CHN1: variants seen among roughly 807,000 people sequenced by gnomAD.
The protein encoded by CHN1 is chimerin 1, also known as N-chimaerin.
A neutral mutation model predicts 59.5 loss-of-function variants in CHN1; 37 were observed. The observed-to-expected ratio is 0.62, with a 90% confidence interval of 0.48 to 0.82. The LOEUF is 0.82. Ranked by LOEUF, CHN1 falls within the 40% of genes least tolerant of loss-of-function variation. The probability of loss-of-function intolerance (pLI) is 0.00; values close to 1 mark genes in which losing one functional copy is unlikely to be tolerated. For missense variants in CHN1, 469 were observed against 571.0 expected, an observed-to-expected ratio of 0.82 and a Z score of 1.82; for synonymous variants, 206 against 200.4, an observed-to-expected ratio of 1.03 and a Z score of -0.24.
intron 8 of CHN1, 22 bp downstream of exon 8, chr2:174,824,412 G>C: frequency 3.2e-6 from 5 of 1,566,672 alleles, no homozygotes; most frequent in Non-Finnish European, 4.3e-6. Context: ...ACTCAATCCA[G>C]AGACAAGACA....
At chr2:174,801,014 G>A (rs548735058) in intron 12 of CHN1, among the ~76,000 whole-genome samples, 4 of 152,246 alleles carry the variant, frequency 2.6e-5, no homozygotes, top group African/African-American at 4.8e-5. Flanking sequence ...GGCCACATAC[G>A]TATTTTTGTT....
intron 8 of CHN1, among the ~76,000 whole-genome samples, chr2:174,817,643 T>C (rs976337082): frequency 1.3e-4 from 19 of 148,852 alleles, no homozygotes; most frequent in Non-Finnish European, 1.2e-4. Flanking sequence ...TTTTTCTTTT[T>C]TTTTTTTTTT....
intron 3 of CHN1, among the ~76,000 whole-genome samples, chr2:174,930,194 A>G (rs960924301): frequency 4.6e-5 from 7 of 152,184 alleles, no homozygotes; most frequent in African/African-American, 1.4e-4. Flanking sequence ...GCCACTTTCT[A>G]GGAGAGCCCT....
intron 7 of CHN1, among the ~76,000 whole-genome samples, chr2:174,838,086 AC>A (rs1374239681): frequency 6.6e-6 from 1 of 151,824 alleles, no homozygotes; most frequent in Non-Finnish European, 1.5e-5. Flanking sequence ...GTCATGGTAA[AC>A]CTCACTCTTT....
intron 1 of CHN1, among the ~76,000 whole-genome samples, chr2:174,988,224 G>C (rs1691415906): frequency 6.6e-6 from 1 of 151,734 alleles, no homozygotes; most frequent in Admixed American, 6.6e-5. Context: ...GGGCATGGTG[G>C]TGCGCGCCTG....
chr2:174,882,911 G>A (rs1687778645), intron 5 of CHN1, among the ~76,000 whole-genome samples: 1 of 152,190 alleles, frequency 6.6e-6, no homozygotes, highest in Non-Finnish European at 1.5e-5. Flanking sequence ...ATGGAAGAGA[G>A]AGCATAGTTA....
At chr2:174,900,698 G>A (rs367958141) in intron 5 of CHN1, among the ~76,000 whole-genome samples, 12 of 152,082 alleles carry the variant, frequency 7.9e-5, no homozygotes, top group African/African-American at 1.9e-4. Context: ...CCAGCTACAC[G>A]GGAGGGTGAG....
chr2:174,916,789 A>G (rs766261621), intron 4 of CHN1, among the ~76,000 whole-genome samples: 28 of 152,258 alleles, frequency 1.8e-4, no homozygotes, highest in Non-Finnish European at 3.1e-4. Flanking sequence ...TGCTGCAGGC[A>G]AGGAGATGGT....
At chr2:174,948,281 A>G (rs966694637) in intron 2 of CHN1, among the ~76,000 whole-genome samples, 6 of 152,172 alleles carry the variant, frequency 3.9e-5, no homozygotes, top group Non-Finnish European at 5.9e-5. Context: ...GCAATAATGA[A>G]CCCAGAGTCT....
At chr2:174,900,078 T>G (rs1688341212) in intron 5 of CHN1, among the ~76,000 whole-genome samples, 1 of 152,226 alleles carries the variant, frequency 6.6e-6, no homozygotes, top group Admixed American at 6.5e-5. Context: ...CCTATTAATA[T>G]TTTGAAGAAA....
intron 3 of CHN1, among the ~76,000 whole-genome samples, chr2:174,928,921 G>C (rs1349905477): frequency 2.6e-5 from 4 of 152,112 alleles, no homozygotes; most frequent in Non-Finnish European, 5.9e-5. Flanking sequence ...AAAAAACTGA[G>C]TACCAGCAAA....
chr2:174,853,900 A>G (rs983523125), intron 6 of CHN1, among the ~76,000 whole-genome samples: 1 of 152,176 alleles, frequency 6.6e-6, no homozygotes, highest in African/African-American at 2.4e-5. Flanking sequence ...CTGAGCATGC[A>G]CGAACATAAA....
At chr2:175,004,387 T>C (rs865802720) in intron 1 of CHN1, among the ~76,000 whole-genome samples, 2 of 152,286 alleles carry the variant, frequency 1.3e-5, no homozygotes, top group East Asian at 1.9e-4. Context: ...TTTTAACCCA[T>C]ATTCAGTTCA....
intron 1 of CHN1, among the ~76,000 whole-genome samples, chr2:174,998,610 CTA>C (rs1691788629): frequency 6.6e-6 from 1 of 152,206 alleles, no homozygotes; most frequent in South Asian, 2.1e-4. Flanking sequence ...TGAGGTGGCT[CTA>C]TGCCAGGCCA....
rs75833151 is a variant in CHN1 at position 174,935,028 on chromosome 2, C to T, written c.114+9860G>A. 6.7e-3 allele frequency among the ~76,000 whole-genome samples: 1,018 copies of T among 152,286 alleles called. 3 individuals are homozygous for T. The highest frequency in any genetic ancestry group is 0.011 in the Non-Finnish European group (743 of 68,026). On this transcript the variant is annotated intron_variant, in intron 3 of 12. Coordinates refer to ENST00000409900, the MANE Select transcript of CHN1 (RefSeq NM_001822.7). ...TAAGCCTAATCAATCACGTTTTTCT[C>T]CTGCTTAAAATACTTTCACTTCTAT...
intron 1 of CHN1, among the ~76,000 whole-genome samples, chr2:175,000,052 C>T (rs923096064): frequency 1.3e-5 from 2 of 151,792 alleles, no homozygotes; most frequent in Non-Finnish European, 2.9e-5. Context: ...ATTGTTCTTA[C>T]ATAGTACCAG....
chr2:174,997,797 C>T (rs192763460), intron 1 of CHN1, among the ~76,000 whole-genome samples: 1 of 152,044 alleles, frequency 6.6e-6, no homozygotes, highest in East Asian at 1.9e-4. Context: ...TTTGGGAGAC[C>T]GAGGCGGGAG....
chr2:174,952,278 T>A, intron 1 of CHN1, 76 bp from the exon 2 acceptor site: 3 of 890,080 alleles, frequency 3.4e-6, no homozygotes, highest in Non-Finnish European at 4.9e-6. Flanking sequence ...TTAACTCATT[T>A]AATATATATC....
chr2:174,875,858 G>GA, intron 6 of CHN1: 1 of 983,066 alleles, frequency 1.0e-6, no homozygotes, highest in Non-Finnish European at 1.2e-6. Context: ...TGTCCTGTTG[G>GA]ATGACACCTG....
Sources: allele counts gnomAD v4.1 joint callset (sites outside exome capture counted in the v4.1 genomes callset), GRCh38; gene constraint gnomAD v4.1.1; transcripts MANE v1.5; gene names NCBI Gene and HGNC (gene_info 2026-07-23, HGNC 2026-07-21).